DLG2: variants seen among roughly 807,000 people sequenced by gnomAD.
DLG2 encodes the protein discs large MAGUK scaffold protein 2, also known as disks large homolog 2.
DLG2 carries 45 observed loss-of-function variants against 132.5 expected under a neutral mutation model. That is an observed-to-expected ratio of 0.34 (90% CI 0.27 to 0.44). The LOEUF is 0.44. Ranked by LOEUF, DLG2 falls within the 20% of genes least tolerant of loss-of-function variation. DLG2 has a pLI of 1.00. For missense variants in DLG2, 1,045 were observed against 1,196.9 expected (o/e 0.87, Z 1.87); for synonymous variants, 424 against 419.6 (o/e 1.01, Z -0.13).
chr11:84,664,574 T>C (rs1259387822), intron 6 of DLG2, among the ~76,000 whole-genome samples: 1 of 152,100 alleles, frequency 6.6e-6, no homozygotes, highest in Non-Finnish European at 1.5e-5. Flanking sequence ...GCCCCAGCTT[T>C]TCAAACTTAT....
At position 85,344,993 on chromosome 11, in the gene DLG2, A is replaced by C. The variant is rs183859196; in HGVS notation, c.41-59628T>G. On this transcript the variant is annotated intron_variant, in intron 3 of 27. Coordinates refer to ENST00000376104, the MANE Select transcript of DLG2 (RefSeq NM_001142699.3). ...CAAAAAAAAAACAGCAAAATACTGT[A>C]CTTAAGTAGAATAGGTAGTAACTCA... 7.2e-5 allele frequency among the ~76,000 whole-genome samples: 11 copies of C among 152,224 alleles called. No individual in the cohort carries two copies. The East Asian group carries it at 1.3e-3, about 19-fold the overall frequency.
At chr11:83,519,255 C>A (rs371897365) in intron 21 of DLG2, among the ~76,000 whole-genome samples, 1 of 152,072 alleles carries the variant, frequency 6.6e-6, no homozygotes, top group Admixed American at 6.5e-5. Flanking sequence ...AGGTGCAACT[C>A]CAAAATTTCC....
intron 3 of DLG2, among the ~76,000 whole-genome samples, chr11:85,409,061 G>A (rs928987511): frequency 4.0e-5 from 6 of 151,870 alleles, no homozygotes; most frequent in Admixed American, 3.3e-4. Context: ...TTGAGAAATC[G>A]AATGGATTGC....
intron 6 of DLG2, among the ~76,000 whole-genome samples, chr11:84,564,133 C>A (rs1797151624): frequency 1.3e-5 from 2 of 152,180 alleles, no homozygotes; most frequent in Non-Finnish European, 2.9e-5. Context: ...CCAGGGTAAG[C>A]CTATTGCAAG....
At chr11:83,798,344 T>A (rs1342413858) in intron 17 of DLG2, among the ~76,000 whole-genome samples, 1 of 152,176 alleles carries the variant, frequency 6.6e-6, no homozygotes, top group African/African-American at 2.4e-5. Context: ...TTTAAGCAAA[T>A]AAAATGCTTA....
rs536241993 is a variant in DLG2 at position 84,691,270 on chromosome 11, T to C, written c.358-156539A>G. Among the ~76,000 whole-genome samples the C allele has an allele frequency of 7.2e-5, 11 of 151,960 alleles. No individual in the cohort carries two copies. The East Asian group carries it at 2.1e-3, about 29-fold the overall frequency. On this transcript the variant is annotated intron_variant, in intron 6 of 27. Transcript: ENST00000376104. ...CATCTCCTCCACTAGGCTTCAAGCTTCCGGAGGTAGTGATCTATACCTAAA... is the reference window on the plus strand; with the variant it reads ...CATCTCCTCCACTAGGCTTCAAGCTCCCGGAGGTAGTGATCTATACCTAAA...
chr11:84,028,480 A>T (rs1364054739), intron 11 of DLG2, among the ~76,000 whole-genome samples: 1 of 151,824 alleles, frequency 6.6e-6, no homozygotes, highest in Non-Finnish European at 1.5e-5. Context: ...CCATGAAATA[A>T]TTTTTTTTGA....
rs138506603 is a variant in DLG2 at position 84,294,714 on chromosome 11, G to A, written c.520-43423C>T. On this transcript the variant is annotated intron_variant, in intron 7 of 27. Coordinates refer to ENST00000376104, the MANE Select transcript of DLG2 (RefSeq NM_001142699.3). ...ATAATTTATTAAGGACTTAATGAAC[G>A]TTATCTTCTGTGTTAGGTAGGTCAC... Among the ~76,000 whole-genome samples, 65 of 152,226 alleles carry A rather than the reference G, an allele frequency of 4.3e-4. 1 individual carries two copies. Among genetic ancestry groups the A allele is most frequent in the African/African-American group, 1.3e-3 (55 of 41,548 alleles).
At chr11:85,543,465 A>G (rs1378529953) in intron 3 of DLG2, among the ~76,000 whole-genome samples, 1 of 152,198 alleles carries the variant, frequency 6.6e-6, no homozygotes, top group African/African-American at 2.4e-5. Flanking sequence ...ATGGATCTTT[A>G]TAGTAGAATG....
At chr11:84,333,095 T>G (rs1435990478) in intron 7 of DLG2, among the ~76,000 whole-genome samples, 1 of 152,208 alleles carries the variant, frequency 6.6e-6, no homozygotes, top group Non-Finnish European at 1.5e-5. Flanking sequence ...CATTGCCTTT[T>G]TGCTGTTCAC....
chr11:85,044,619 G>A (rs2062162550), intron 6 of DLG2, among the ~76,000 whole-genome samples: 1 of 151,952 alleles, frequency 6.6e-6, no homozygotes, highest in South Asian at 2.1e-4. Context: ...ATACAATCAT[G>A]ATCTAATATA....
At chr11:85,425,564 G>T (rs2153002158) in intron 3 of DLG2, among the ~76,000 whole-genome samples, 1 of 152,100 alleles carries the variant, frequency 6.6e-6, no homozygotes. Flanking sequence ...TTCATTGTAA[G>T]AATCATAAAA....
intron 19 of DLG2, among the ~76,000 whole-genome samples, chr11:83,589,251 T>C (rs2097146003): frequency 6.6e-6 from 1 of 150,514 alleles, no homozygotes; most frequent in Admixed American, 6.6e-5. Flanking sequence ...AAAGGTCGGG[T>C]TACCCTCAAA....
intron 6 of DLG2, among the ~76,000 whole-genome samples, chr11:85,056,674 G>T (rs540615112): frequency 6.6e-5 from 10 of 152,018 alleles, no homozygotes; most frequent in African/African-American, 2.2e-4. Context: ...AGTAGGGAAA[G>T]TACAAAGAAA....
intron 6 of DLG2, among the ~76,000 whole-genome samples, chr11:85,059,190 A>G (rs2063770841): frequency 6.6e-6 from 1 of 151,536 alleles, no homozygotes; most frequent in Middle Eastern, 3.4e-3. Flanking sequence ...AAATATATAG[A>G]AAGATCCTCA....
chr11:84,592,100 C>G (rs1397884897), intron 6 of DLG2, among the ~76,000 whole-genome samples: 1 of 152,114 alleles, frequency 6.6e-6, no homozygotes, highest in Non-Finnish European at 1.5e-5. Flanking sequence ...ACAATCTGCC[C>G]CTACCTCTGC....
At chr11:83,587,503 TCAAA>T (rs1264974643) in intron 19 of DLG2, among the ~76,000 whole-genome samples, 1 of 152,120 alleles carries the variant, frequency 6.6e-6, no homozygotes, top group Non-Finnish European at 1.5e-5. Context: ...ACTCCTGAGC[TCAAA>T]CAATCTGTTC....
intron 3 of DLG2, among the ~76,000 whole-genome samples, chr11:85,305,539 G>C (rs1361079108): frequency 6.6e-6 from 1 of 152,106 alleles, no homozygotes; most frequent in Non-Finnish European, 1.5e-5. Flanking sequence ...TTGAGACAGA[G>C]TCTCACTCTG....
At chr11:84,916,988 A>G (rs2154081126) in intron 6 of DLG2, among the ~76,000 whole-genome samples, 1 of 152,258 alleles carries the variant, frequency 6.6e-6, no homozygotes, top group South Asian at 2.1e-4. Flanking sequence ...AAAACTCTAA[A>G]CCAACCCATC....
Sources: allele counts gnomAD v4.1 joint callset (sites outside exome capture counted in the v4.1 genomes callset), GRCh38; gene constraint gnomAD v4.1.1; transcripts MANE v1.5; gene names NCBI Gene and HGNC (gene_info 2026-07-23, HGNC 2026-07-21).